The following LSAMP variants were observed in gnomAD, a reference collection of about 807,000 sequenced individuals.
LSAMP encodes the protein limbic system associated membrane protein.
A neutral mutation model predicts 38.6 loss-of-function variants in LSAMP; 7 were observed. That is an observed-to-expected ratio of 0.18 (90% CI 0.10 to 0.34). LSAMP has a LOEUF of 0.34. Ranked by LOEUF, LSAMP falls within the 10% of genes least tolerant of loss-of-function variation. The probability of loss-of-function intolerance (pLI) is 1.00; values close to 1 mark genes in which losing one functional copy is unlikely to be tolerated. For missense variants in LSAMP, 313 were observed against 420.0 expected, an observed-to-expected ratio of 0.75 and a Z score of 2.23; for synonymous variants, 154 against 166.8, an observed-to-expected ratio of 0.92 and a Z score of 0.59.
chr3:116,075,449 T>C (rs1032548343), intron 2 of LSAMP, among the ~76,000 whole-genome samples: 10 of 151,966 alleles, frequency 6.6e-5, no homozygotes, highest in African/African-American at 1.9e-4. Context: ...TTTCATTTCT[T>C]AAAAATTGTC....
At chr3:115,819,215 G>A (rs1934146166) in intron 6 of LSAMP, among the ~76,000 whole-genome samples, 1 of 152,072 alleles carries the variant, frequency 6.6e-6, no homozygotes, top group African/African-American at 2.4e-5. Context: ...GGAGGCCGAG[G>A]TGGGCAGATC....
intron 1 of LSAMP, among the ~76,000 whole-genome samples, chr3:116,117,220 G>T (rs1023317608): frequency 3.3e-5 from 5 of 152,188 alleles, no homozygotes; most frequent in African/African-American, 9.7e-5. Context: ...AACTCTGAGT[G>T]TGTGGGTGGG....
intron 3 of LSAMP, among the ~76,000 whole-genome samples, chr3:115,870,041 A>G (rs1483255272): frequency 6.6e-6 from 1 of 152,086 alleles, no homozygotes; most frequent in Non-Finnish European, 1.5e-5. Flanking sequence ...AAATTAAAAT[A>G]ATATTTTTTG....
At chr3:115,999,581 T>C (rs187880428) in intron 3 of LSAMP, among the ~76,000 whole-genome samples, 1 of 152,150 alleles carries the variant, frequency 6.6e-6, no homozygotes, top group East Asian at 1.9e-4. Context: ...CTACCATTCA[T>C]GGGAAAAGGT....
At chr3:116,081,715 T>A (rs1707876805) in intron 2 of LSAMP, among the ~76,000 whole-genome samples, 1 of 152,170 alleles carries the variant, frequency 6.6e-6, no homozygotes, top group Non-Finnish European at 1.5e-5. Context: ...TGGCAACTAA[T>A]GGATAAAGTC....
intron 1 of LSAMP, among the ~76,000 whole-genome samples, chr3:116,128,267 TCTTCA>T (rs936414163): frequency 2.5e-4 from 38 of 152,348 alleles, no homozygotes; most frequent in Middle Eastern, 6.8e-3. Context: ...TACAGAAATC[TCTTCA>T]CTTATCTATT....
chr3:116,345,708 A>G (rs2048056098), intron 1 of LSAMP, among the ~76,000 whole-genome samples: 1 of 152,000 alleles, frequency 6.6e-6, no homozygotes, highest in South Asian at 2.1e-4. Context: ...GTTTATACTG[A>G]CCTAAAGAAG....
chr3:116,183,965 A>AG (rs1351757746), intron 1 of LSAMP, among the ~76,000 whole-genome samples: 1 of 151,682 alleles, frequency 6.6e-6, no homozygotes, highest in Non-Finnish European at 1.5e-5. Context: ...GAATGGATAC[A>AG]GGAGCAATTC....
chr3:115,838,472 A>C (rs1934868981), intron 6 of LSAMP, among the ~76,000 whole-genome samples: 1 of 152,224 alleles, frequency 6.6e-6, no homozygotes, highest in African/African-American at 2.4e-5. Flanking sequence ...TATGTCATGC[A>C]TATCCCCGTC....
intron 1 of LSAMP, among the ~76,000 whole-genome samples, chr3:116,372,038 A>G (rs185479655): frequency 6.6e-6 from 1 of 152,198 alleles, no homozygotes; most frequent in East Asian, 1.9e-4. Context: ...GTTATAAGTA[A>G]ATGGAAAGAC....
chr3:116,338,891 G>A (rs890083477), intron 1 of LSAMP, among the ~76,000 whole-genome samples: 2 of 151,978 alleles, frequency 1.3e-5, no homozygotes, highest in Non-Finnish European at 2.9e-5. Flanking sequence ...GAATCACTGG[G>A]TGCTACCAGC....
intron 1 of LSAMP, among the ~76,000 whole-genome samples, chr3:116,380,792 T>C (rs889863049): frequency 6.6e-6 from 1 of 152,094 alleles, no homozygotes; most frequent in Non-Finnish European, 1.5e-5. Flanking sequence ...ATTCTTCTAT[T>C]GATGGGTATT....
intron 1 of LSAMP, among the ~76,000 whole-genome samples, chr3:116,434,071 G>A (rs1046741738): frequency 2.6e-5 from 4 of 152,004 alleles, no homozygotes; most frequent in African/African-American, 7.3e-5. Context: ...TCTCTTTACC[G>A]TACCAATAAT....
chr3:116,131,486 C>G (rs569609195), intron 1 of LSAMP, among the ~76,000 whole-genome samples: 1 of 152,174 alleles, frequency 6.6e-6, no homozygotes, highest in Non-Finnish European at 1.5e-5. Flanking sequence ...GAAAGAGATA[C>G]TTGCTCTTCC....
At chr3:116,337,145 G>C (rs1423649729) in intron 1 of LSAMP, among the ~76,000 whole-genome samples, 1 of 151,928 alleles carries the variant, frequency 6.6e-6, no homozygotes, top group Non-Finnish European at 1.5e-5. Flanking sequence ...ATGGTAGAAT[G>C]GTGGTTGCAG....
At chr3:116,243,268 A>G (rs1184145183) in intron 1 of LSAMP, among the ~76,000 whole-genome samples, 1 of 152,162 alleles carries the variant, frequency 6.6e-6, no homozygotes, top group Non-Finnish European at 1.5e-5. Flanking sequence ...CCTGCCCTCT[A>G]ATTTCCCACC....
chr3:116,168,226 T>G (rs1439988556), intron 1 of LSAMP, among the ~76,000 whole-genome samples: 3 of 151,592 alleles, frequency 2.0e-5, no homozygotes, highest in African/African-American at 7.3e-5. Flanking sequence ...TTATTATTAT[T>G]ATTTTTTTTT....
At chr3:116,212,369 CTGATAAAGATCAGATTAA>C (rs1248605203) in intron 1 of LSAMP, among the ~76,000 whole-genome samples, 1 of 151,822 alleles carries the variant, frequency 6.6e-6, no homozygotes, top group Non-Finnish European at 1.5e-5. Flanking sequence ...ATAGTGTTTC[CTGATAAAGATCAGATTAA>C]GTGGAAAAGC....
In LSAMP at chr3:116,333,715, G is replaced by A. The variant is rs372862817; in HGVS notation, c.155+111162C>T. On this transcript the variant is annotated intron_variant, in intron 1 of 6. Coordinates refer to ENST00000490035, the MANE Select transcript of LSAMP (RefSeq NM_002338.5). ...CAAGTGAAATTAAAAAATACTTAGC[G>A]ACATGAAAATATAAATACAATACAT... Among the ~76,000 whole-genome samples, 11 of 151,896 alleles carry A rather than the reference G, an allele frequency of 7.2e-5. No individual in the cohort carries two copies. The East Asian group carries it at 9.7e-4, about 13-fold the overall frequency.
Sources: allele counts gnomAD v4.1 joint callset (sites outside exome capture counted in the v4.1 genomes callset), GRCh38; gene constraint gnomAD v4.1.1; transcripts MANE v1.5; gene names NCBI Gene and HGNC (gene_info 2026-07-23, HGNC 2026-07-21).